Variants in SYT7 observed in about 807,000 individuals in gnomAD.
SYT7 encodes the protein synaptotagmin 7.
In SYT7, 29 loss-of-function variants were observed where a neutral mutation model predicts 75.1. The observed-to-expected ratio is 0.39, with a 90% CI of 0.29 to 0.53. The LOEUF is 0.53. SYT7 is among the 20% of genes least tolerant of loss of function. SYT7 has a pLI of 0.77. For synonymous variants in SYT7, 376 were observed against 401.7 expected (o/e 0.94, Z 0.76); for missense variants, 693 against 953.2 (o/e 0.73, Z 3.59).
intron 12 of SYT7, among the ~76,000 whole-genome samples, 199 bp from the exon 13 acceptor site, chr11:61,518,930 C>G (rs949393994): frequency 6.6e-6 from 1 of 152,238 alleles, no homozygotes; most frequent in Admixed American, 6.5e-5. Context: ...GTTGTCTACC[C>G]CCACACCCCC....
Position 61,580,888 on chromosome 11 carries a change from C to T in SYT7, c.-68G>A. On this transcript the variant is annotated 5_prime_UTR_variant, in exon 1 of 13. Coordinates refer to ENST00000539008, the MANE Select transcript of SYT7 (RefSeq NM_001365809.2). The surrounding 1 kb of genome is among the most constrained non-coding windows in gnomAD (Gnocchi z 6.1). ...CCGCGGCCGCGCGCTGCTCCGCCGCCGCCGCTGGGCATGGGGCCGGGCGAC... is the reference window on the plus strand; with the variant it reads ...CCGCGGCCGCGCGCTGCTCCGCCGCTGCCGCTGGGCATGGGGCCGGGCGAC... 8.8e-7 allele frequency: 1 copy of T among 1,137,252 alleles called. No homozygotes were observed. The highest frequency in any genetic ancestry group is 1.1e-6 in the Non-Finnish European group (1 of 928,146). 70.4% of individuals were successfully genotyped at this position (1,137,252 alleles called of 1,614,324 possible). A position where few individuals can be genotyped will look rare whatever the true frequency, so the allele number is the denominator to read the frequency against.
At chr11:61,587,664 C>G in the SYT7 span, among the ~76,000 whole-genome samples, 2 of 151,160 alleles carry the variant, frequency 1.3e-5, no homozygotes, top group Non-Finnish European at 3.0e-5. Context: ...CGAGGCGTCT[C>G]CGCTCTTAAT....
chr11:61,572,016 T>G (rs2063935383), intron 1 of SYT7, among the ~76,000 whole-genome samples: 1 of 152,172 alleles, frequency 6.6e-6, no homozygotes, highest in Non-Finnish European at 1.5e-5. Context: ...CCCAAGCATC[T>G]TAGAGTTCTG....
intron 3 of SYT7, among the ~76,000 whole-genome samples, chr11:61,550,335 G>C (rs2063313068): frequency 6.6e-6 from 1 of 152,066 alleles, no homozygotes; most frequent in Non-Finnish European, 1.5e-5. Context: ...TGGAGGGTGG[G>C]GGAGGAGTGG....
intron 1 of SYT7, among the ~76,000 whole-genome samples, chr11:61,574,997 G>C (rs2064030362): frequency 6.6e-6 from 1 of 151,974 alleles, no homozygotes; most frequent in South Asian, 2.1e-4. Flanking sequence ...CCCTGCCCTG[G>C]CTGGTGGCAG....
intron 7 of SYT7, among the ~76,000 whole-genome samples, chr11:61,536,883 G>A (rs527924246): frequency 1.9e-3 from 289 of 152,326 alleles, no homozygotes; most frequent in South Asian, 7.0e-3. Context: ...CCTCAGGATG[G>A]CCTGTCCAAA....
rs2062183072 is a variant in SYT7 at position 61,517,697 on chromosome 11, C to G, written c.*930G>C. ...GGCAAAGCTAGTCGGGGCTCGGGAC[C>G]CCCTGAGAAGGAAGGGAGATGAGTC... On this transcript the variant is annotated 3_prime_UTR_variant, in exon 13 of 13. Coordinates refer to ENST00000539008, the MANE Select transcript of SYT7 (RefSeq NM_001365809.2). 2.5e-6 allele frequency: 1 copy of G among 397,824 alleles called. No individual in the cohort carries two copies. The highest frequency in any genetic ancestry group is 4.4e-5 in the Admixed American group (1 of 22,690). 24.6% of individuals were successfully genotyped at this position (397,824 alleles called of 1,614,324 possible). A position where few individuals can be genotyped will look rare whatever the true frequency, so the allele number is the denominator to read the frequency against.
At position 61,542,232 on chromosome 11, in the gene SYT7, C is replaced by A; in HGVS notation, c.920G>T (p.Gly307Val). The A allele has an allele frequency of 2.0e-6, 3 of 1,534,820 alleles. No homozygotes were observed. Among genetic ancestry groups the A allele is most frequent in the South Asian group, 1.2e-5 (1 of 84,042 alleles). ...TTACAGGAAGGATTTCATGTCCAAG[C>A]CTCGGTTTCGAATCTGCCCCACCAC... ...DHVVGQIRNR[G>V]LDMKSFLEGR... is the part of the protein sequence containing the mutation. Residue 307 changes from glycine (G) to valine (V), a missense_variant, in exon 6 of 13, where the codon GGC becomes GTC. Transcript: ENST00000539008. The surrounding 1 kb of genome is among the most constrained non-coding windows in gnomAD (Gnocchi z 7.8).
chr11:61,546,338 C>A lies in SYT7; in HGVS notation c.348-83G>T, dbSNP rs939691696. The A allele has an allele frequency of 5.3e-5, 48 of 911,172 alleles. No homozygotes were observed. In the South Asian group the frequency reaches 7.6e-4, roughly 14 times the overall value. The allele number at this position is 911,172 out of a possible 1,614,324, so 56.4% of individuals were successfully genotyped here. On this transcript the variant is annotated intron_variant, in intron 4 of 12. Transcript: ENST00000539008. This position sits in a 1 kb window ranked among gnomAD's most constrained non-coding sequence, Gnocchi z 7.6. ...GAGAGGGCAGGCCATACGTGGGGGT[C>A]GGGGGGTGGAAGAGGAAGAAAAACA...
rs978115235 is a variant in SYT7, at chr11:61,516,417, C to A, written c.*2210G>T. 2.6e-5 allele frequency: 4 copies of A among 152,168 alleles called. No homozygotes were observed. Among genetic ancestry groups the A allele is most frequent in the African/African-American group, 7.2e-5 (3 of 41,422 alleles). 9.4% of individuals were successfully genotyped at this position (152,168 alleles called of 1,614,324 possible). On this transcript the variant is annotated 3_prime_UTR_variant, in exon 13 of 13. Transcript: ENST00000539008. This position sits in a 1 kb window ranked among gnomAD's most constrained non-coding sequence, Gnocchi z 4.6. ...GCGGGGCTCGGGAAAAATGGGGAGC[C>A]GTTGCCCCGCCCACTCGATACAAGT...
At position 61,518,657 on chromosome 11, in the gene SYT7, G is replaced by C; in HGVS notation, c.2031C>G (p.Pro677=). 1 of 1,548,996 alleles carries C rather than the reference G, an allele frequency of 6.5e-7. No individual in the cohort carries two copies. Residue 677 remains proline, a synonymous_variant, in exon 13 of 13, where the codon CCC becomes CCG. Transcript: ENST00000539008. ...WKDMIARPRQ[P]VAQWHQLKA ...CCTTCAGCTGGTGCCACTGGGCCAC[G>C]GGCTGCCGGGGACGGGCAATCATGT...
intron 1 of SYT7, among the ~76,000 whole-genome samples, chr11:61,566,787 T>C (rs1419934931): frequency 1.3e-5 from 2 of 152,224 alleles, no homozygotes; most frequent in Non-Finnish European, 2.9e-5. Flanking sequence ...TTGTTATTAA[T>C]AATACACGCT....
chr11:61,578,698 C>A (rs1376227432), intron 1 of SYT7, among the ~76,000 whole-genome samples: 2 of 152,052 alleles, frequency 1.3e-5, no homozygotes, highest in African/African-American at 2.4e-5. Context: ...ATCTTTGACT[C>A]CTCAAGGACC....
intron 1 of SYT7, among the ~76,000 whole-genome samples, chr11:61,558,509 C>T (rs1008282718): frequency 1.2e-4 from 18 of 145,866 alleles, no homozygotes; most frequent in East Asian, 9.9e-4. Context: ...CACACATACA[C>T]ACACACACAC....
chr11:61,532,108 G>C (rs12276285), intron 8 of SYT7, among the ~76,000 whole-genome samples: 2,306 of 152,138 alleles, frequency 0.015, 23 homozygotes, highest in South Asian at 0.059. Flanking sequence ...CAGTAGGGGA[G>C]GGCTGGGAGC....
intron 1 of SYT7, among the ~76,000 whole-genome samples, chr11:61,571,478 C>T (rs918441684): frequency 6.6e-6 from 1 of 152,254 alleles, no homozygotes; most frequent in African/African-American, 2.4e-5. Flanking sequence ...GGCCATGTGC[C>T]ATGCTGCAGC....
At chr11:61,534,640 C>T (rs937570469) in intron 7 of SYT7, among the ~76,000 whole-genome samples, 4 of 152,182 alleles carry the variant, frequency 2.6e-5, no homozygotes, top group African/African-American at 4.8e-5. Context: ...CACGTGTGCA[C>T]GTGAAGGGAG....
intron 1 of SYT7, among the ~76,000 whole-genome samples, chr11:61,567,138 A>G (rs1239048279): frequency 6.6e-6 from 1 of 152,174 alleles, no homozygotes. Context: ...CAGGGGCGGG[A>G]GAAATGGATA....
Position 61,550,114 on chromosome 11 carries a change from C to T in SYT7, c.215+1270G>A, listed in dbSNP as rs963396578. On this transcript the variant is annotated intron_variant, in intron 3 of 12. Transcript: ENST00000539008. ...CCTGCCAGCACTTGGCTTTGAAGAC[C>T]GGAGTCTGGGCAACCAACCTAGCTT... 3.3e-5 allele frequency among the ~76,000 whole-genome samples: 5 copies of T among 152,290 alleles called. No individual in the cohort carries two copies. In the East Asian group the frequency reaches 5.8e-4, roughly 18 times the overall value.
Sources: gnomAD v4.1 joint callset for allele counts (sites outside exome capture counted in the v4.1 genomes callset) on GRCh38, gnomAD v4.1.1 for gene constraint, Gnocchi (gnomAD v3.1) non-coding constraint, MANE v1.5 for transcripts, NCBI Gene and HGNC (gene_info 2026-07-23, HGNC 2026-07-21) for gene names.